ADARB2: variants seen among roughly 807,000 people sequenced by gnomAD.
ADARB2 encodes adenosine deaminase RNA specific B2 (inactive).
In ADARB2, 25 loss-of-function variants were observed where a neutral mutation model predicts 62.2. That is an observed-to-expected ratio of 0.40 (90% CI 0.29 to 0.56). The LOEUF (loss-of-function observed/expected upper bound fraction) is 0.56, where lower values mean the gene tolerates loss of function less well. Ranked by LOEUF, ADARB2 falls within the 20% of genes least tolerant of loss-of-function variation. The probability of loss-of-function intolerance (pLI) is 0.43; values close to 1 mark genes in which losing one functional copy is unlikely to be tolerated. For missense variants in ADARB2, 1,071 were observed against 1,077.4 expected (o/e 0.99, Z 0.08); for synonymous variants, 572 against 500.8 (o/e 1.14, Z -1.90).
chr10:1,418,259 G>A (rs897613088), intron 1 of ADARB2, among the ~76,000 whole-genome samples: 3 of 152,136 alleles, frequency 2.0e-5, no homozygotes, highest in Non-Finnish European at 4.4e-5. Context: ...ATTTCAAGTC[G>A]GCTATGAGCA....
intron 2 of ADARB2, among the ~76,000 whole-genome samples, chr10:1,375,272 G>C (rs1217728211): frequency 6.6e-6 from 1 of 152,236 alleles, no homozygotes; most frequent in Non-Finnish European, 1.5e-5. Flanking sequence ...AGATGGCAGG[G>C]ACTCATGGCT....
chr10:1,184,994 A>C lies in ADARB2; in HGVS notation c.1910T>G (p.Phe637Cys). The C allele has an allele frequency of 6.2e-7, 1 of 1,613,556 alleles. No homozygotes were observed. Among genetic ancestry groups the C allele is most frequent in the Non-Finnish European group, 8.5e-7 (1 of 1,179,940 alleles). The change falls in exon 9 of 10, where the codon TTC becomes TGC. Residue 637 changes from phenylalanine (F) to cysteine (C), a missense_variant. By Grantham distance (205) the Phe-to-Cys change is radical (BLOSUM62 -2). Transcript: ENST00000381312. ...GCTGCCCACGACCCAGTTCATGCTG[A>C]AGGGGGGCGACTTCCCCGGCTGGCG... The part of the protein sequence containing the change: ...EARQPGKSPP[F>C]SMNWVVGSAD...
chr10:1,422,272 A>C (rs1033569433), intron 1 of ADARB2, among the ~76,000 whole-genome samples: 16 of 152,248 alleles, frequency 1.1e-4, no homozygotes, highest in East Asian at 1.9e-4. Flanking sequence ...ATCCTGGAAG[A>C]CTTAATATAA....
chr10:1,191,635 G>T (rs1276624036), intron 8 of ADARB2, among the ~76,000 whole-genome samples: 1 of 152,172 alleles, frequency 6.6e-6, no homozygotes, highest in Non-Finnish European at 1.5e-5. Flanking sequence ...TTATTAATTT[G>T]TAAATATACC....
At chr10:1,351,464 T>C (rs3001044) in intron 3 of ADARB2, among the ~76,000 whole-genome samples, 146,285 of 151,208 alleles carry the variant, frequency 0.97, 70,926 homozygotes, top group Middle Eastern at 1. Context: ...CTCTTTTAAG[T>C]ACTCCTTTTA....
intron 1 of ADARB2, among the ~76,000 whole-genome samples, chr10:1,559,034 G>T (rs1163686925): frequency 6.6e-6 from 1 of 152,200 alleles, no homozygotes; most frequent in Non-Finnish European, 1.5e-5. Context: ...GGCGGATAAA[G>T]TCTCTCAATC....
chr10:1,399,447 C>G (rs1440227279), intron 1 of ADARB2, among the ~76,000 whole-genome samples: 1 of 150,812 alleles, frequency 6.6e-6, no homozygotes, highest in Non-Finnish European at 1.5e-5. Context: ...TTTTTTTTGG[C>G]TCCTGGTTTT....
chr10:1,650,782 C>T (rs929992237), intron 1 of ADARB2, among the ~76,000 whole-genome samples: 4 of 152,148 alleles, frequency 2.6e-5, no homozygotes, highest in African/African-American at 4.8e-5. Context: ...GGAAGATGTG[C>T]GTGCCTGGAG....
chr10:1,671,892 G>C (rs759349306), intron 1 of ADARB2, among the ~76,000 whole-genome samples: 3 of 151,938 alleles, frequency 2.0e-5, no homozygotes, highest in Non-Finnish European at 4.4e-5. Context: ...TTGCACTGGG[G>C]GGGAGTGGGG....
intron 1 of ADARB2, among the ~76,000 whole-genome samples, chr10:1,446,423 A>G (rs549930377): frequency 2.8e-4 from 42 of 152,276 alleles, no homozygotes; most frequent in Non-Finnish European, 4.3e-4. Context: ...TTCAGTCTTC[A>G]CAATGACTTT....
At chr10:1,336,707 C>T (rs1020457840) in intron 3 of ADARB2, among the ~76,000 whole-genome samples, 7 of 152,216 alleles carry the variant, frequency 4.6e-5, no homozygotes, top group African/African-American at 1.7e-4. Context: ...CAGAAGACCA[C>T]AAAACTTCTC....
At chr10:1,328,994 C>CT (rs1429869876) in intron 3 of ADARB2, among the ~76,000 whole-genome samples, 43 of 51,362 alleles carry the variant, frequency 8.4e-4, no homozygotes, top group Non-Finnish European at 1.1e-3. Flanking sequence ...AAGACCCTGT[C>CT]TTAAAAAAAA....
At chr10:1,257,006 TGTAA>T (rs1831086174) in intron 4 of ADARB2, among the ~76,000 whole-genome samples, 1 of 152,202 alleles carries the variant, frequency 6.6e-6, no homozygotes, top group South Asian at 2.1e-4. Flanking sequence ...GACTAAATAT[TGTAA>T]GTGACAGTGC....
chr10:1,695,885 CACAT>C (rs560622283), intron 1 of ADARB2, among the ~76,000 whole-genome samples: 1 of 151,988 alleles, frequency 6.6e-6, no homozygotes, highest in Non-Finnish European at 1.5e-5. Flanking sequence ...TGAGGACACA[CACAT>C]GCATGAGGGC....
chr10:1,662,375 C>T (rs7070715), intron 1 of ADARB2, among the ~76,000 whole-genome samples: 123,426 of 152,038 alleles, frequency 0.81, 51,807 homozygotes, highest in East Asian at 0.98. Context: ...CTGATTGAAC[C>T]GGGGCAGGGC....
chr10:1,472,444 C>T (rs781652660), intron 1 of ADARB2, among the ~76,000 whole-genome samples: 32 of 152,008 alleles, frequency 2.1e-4, no homozygotes, highest in Non-Finnish European at 4.3e-4. Flanking sequence ...CCATGCGGCT[C>T]GGGGTTCAGC....
intron 1 of ADARB2, among the ~76,000 whole-genome samples, chr10:1,552,704 GGAGGAGGGAGGGAAGGGGA>G (rs376210085): frequency 9.2e-5 from 14 of 151,914 alleles, no homozygotes; most frequent in East Asian, 7.8e-4. Flanking sequence ...ATTGGCGACA[GGAGGAGGGAGGGAAGGGGA>G]GAGGAGGGAG....
At chr10:1,325,847 C>T (rs554521574) in intron 3 of ADARB2, among the ~76,000 whole-genome samples, 1 of 152,310 alleles carries the variant, frequency 6.6e-6, no homozygotes, top group Admixed American at 6.5e-5. Flanking sequence ...AGAATATCCG[C>T]ACCTGAGAAC....
At chr10:1,301,676 C>T (rs1183053771) in intron 3 of ADARB2, among the ~76,000 whole-genome samples, 1 of 152,168 alleles carries the variant, frequency 6.6e-6, no homozygotes, top group Admixed American at 6.5e-5. Flanking sequence ...GACCAGGCAT[C>T]CCTGAGAAAT....
Sources: gnomAD v4.1 joint callset for allele counts (sites outside exome capture counted in the v4.1 genomes callset) on GRCh38, gnomAD v4.1.1 for gene constraint, MANE v1.5 for transcripts, NCBI Gene and HGNC (gene_info 2026-07-23, HGNC 2026-07-21) for gene names.